Variants in RBFOX1 observed in about 807,000 individuals in gnomAD.
RBFOX1 encodes RNA binding fox-1 homolog 1.
In RBFOX1, 8 loss-of-function variants were observed where a neutral mutation model predicts 57.7. The ratio of observed to expected loss-of-function variants is 0.14; its 90% CI spans 0.08 to 0.25. RBFOX1 has a LOEUF of 0.25. Ranked by LOEUF, RBFOX1 falls within the 10% of genes least tolerant of loss-of-function variation. The pLI is 1.00. For synonymous variants in RBFOX1, 326 were observed against 222.4 expected (o/e 1.47, Z -4.15); for missense variants, 611 against 548.5 (o/e 1.11, Z -1.14).
At chr16:5,469,049 A>G (rs987336216) in intron 2 of RBFOX1, among the ~76,000 whole-genome samples, 1 of 152,116 alleles carries the variant, frequency 6.6e-6, no homozygotes, top group African/African-American at 2.4e-5. Flanking sequence ...CCTGGTGGGG[A>G]TGGCTGGATC....
chr16:5,616,588 CCCT>C (rs1342912018), intron 3 of RBFOX1, among the ~76,000 whole-genome samples: 34 of 150,108 alleles, frequency 2.3e-4, no homozygotes, highest in Non-Finnish European at 2.8e-4. Flanking sequence ...TTCTCCCTCT[CCCT>C]CCTCCTCCTC....
In RBFOX1 at chr16:5,752,265, C is replaced by A. The variant is rs568982527; in HGVS notation, c.319-115038C>A. On this transcript the variant is annotated intron_variant, in intron 3 of 19. Transcript: ENST00000641259. Reference sequence around the variant, plus strand: ...AGAGGGGAGAAATACACACTGGGACCTTTTAGAGGTCACGGATTGGAGGGT... The same window carrying A: ...AGAGGGGAGAAATACACACTGGGACATTTTAGAGGTCACGGATTGGAGGGT... Among the ~76,000 whole-genome samples, 7 of 152,186 alleles carry A rather than the reference C, an allele frequency of 4.6e-5. No homozygotes were observed. In the South Asian group the frequency reaches 1.5e-3, roughly 32 times the overall value.
rs568749500 is a variant in RBFOX1 at position 5,565,156 on chromosome 16, T to C, written c.259-33746T>C. Among the ~76,000 whole-genome samples, 441 of 152,306 alleles carry C rather than the reference T, an allele frequency of 2.9e-3. 2 individuals are homozygous for C. Among genetic ancestry groups the C allele is most frequent in the Admixed American group, 4.6e-3 (70 of 15,300 alleles). On this transcript the variant is annotated intron_variant, in intron 2 of 2. Coordinates refer to the RBFOX1 transcript ENST00000585867. ...GGGATACTAAGTGGCAGACATGGCTTGGATCATCCAAAGCACCAGGGTTCA... is the reference window on the plus strand; with the variant it reads ...GGGATACTAAGTGGCAGACATGGCTCGGATCATCCAAAGCACCAGGGTTCA...
intron 1 of RBFOX1, among the ~76,000 whole-genome samples, chr16:6,291,327 C>T (rs1971032): frequency 6.6e-6 from 1 of 152,282 alleles, no homozygotes; most frequent in Non-Finnish European, 1.5e-5. Context: ...GATTCAAACA[C>T]CTCTGACATT....
chr16:5,994,807 T>G (rs574705248), intron 4 of RBFOX1, among the ~76,000 whole-genome samples: 3 of 152,292 alleles, frequency 2.0e-5, no homozygotes, highest in African/African-American at 7.2e-5. Flanking sequence ...TCTTTTCTTC[T>G]CCACTATATT....
At chr16:6,787,608 C>T (rs1202036144) in intron 3 of RBFOX1, among the ~76,000 whole-genome samples, 2 of 152,072 alleles carry the variant, frequency 1.3e-5, no homozygotes, top group Non-Finnish European at 2.9e-5. Context: ...CTCTGTTCTC[C>T]ATCCACTGTG....
At chr16:6,644,083 C>G (rs1418064846) in intron 2 of RBFOX1, among the ~76,000 whole-genome samples, 1 of 152,052 alleles carries the variant, frequency 6.6e-6, no homozygotes, top group Non-Finnish European at 1.5e-5. Flanking sequence ...CCAAGATCAC[C>G]CTACTGCACT....
chr16:6,165,311 A>G (rs973036431), intron 1 of RBFOX1, among the ~76,000 whole-genome samples: 1 of 152,158 alleles, frequency 6.6e-6, no homozygotes, highest in African/African-American at 2.4e-5. Context: ...TTTGGTTGAA[A>G]ATATTAATCT....
At chr16:7,013,559 G>C (rs781590070) in intron 3 of RBFOX1, among the ~76,000 whole-genome samples, 48 of 152,194 alleles carry the variant, frequency 3.2e-4, no homozygotes, top group Non-Finnish European at 5.9e-4. Flanking sequence ...TAGCAGTGCT[G>C]ATGTTGAGAA....
intron 4 of RBFOX1, among the ~76,000 whole-genome samples, chr16:7,145,332 T>A (rs1432133807): frequency 6.6e-6 from 1 of 152,122 alleles, no homozygotes; most frequent in Non-Finnish European, 1.5e-5. Context: ...AGCCTCCCGA[T>A]TAGCTGGGAT....
At chr16:5,680,958 A>G (rs2050313642) in intron 3 of RBFOX1, among the ~76,000 whole-genome samples, 1 of 152,092 alleles carries the variant, frequency 6.6e-6, no homozygotes, top group Non-Finnish European at 1.5e-5. Flanking sequence ...ATTAGCAACT[A>G]TAAAAAGACC....
chr16:6,727,647 T>C (rs1378383692), intron 3 of RBFOX1, among the ~76,000 whole-genome samples: 1 of 152,128 alleles, frequency 6.6e-6, no homozygotes, highest in Non-Finnish European at 1.5e-5. Context: ...TTCTACCCCC[T>C]CCTTCCTTAA....
intron 3 of RBFOX1, among the ~76,000 whole-genome samples, chr16:6,872,102 T>C (rs2061016335): frequency 6.6e-6 from 1 of 152,154 alleles, no homozygotes; most frequent in Non-Finnish European, 1.5e-5. Flanking sequence ...ATAATTGTAA[T>C]GGTACCTGTT....
At chr16:5,794,705 C>T (rs1475799718) in intron 3 of RBFOX1, among the ~76,000 whole-genome samples, 2 of 152,140 alleles carry the variant, frequency 1.3e-5, no homozygotes, top group African/African-American at 4.8e-5. Context: ...TTAATGATGG[C>T]TTAAGAAACT....
At chr16:7,308,085 T>C (rs2096233398) in intron 4 of RBFOX1, among the ~76,000 whole-genome samples, 1 of 152,156 alleles carries the variant, frequency 6.6e-6, no homozygotes, top group South Asian at 2.1e-4. Context: ...CCTATTTTGT[T>C]TTCCTGATAG....
intron 1 of RBFOX1, among the ~76,000 whole-genome samples, chr16:5,381,754 C>A (rs967638435): frequency 1.3e-5 from 2 of 152,248 alleles, no homozygotes; most frequent in African/African-American, 4.8e-5. Context: ...AATCTCTCAA[C>A]AACTCTGGAA....
intron 2 of RBFOX1, among the ~76,000 whole-genome samples, chr16:6,412,563 T>C (rs2093493354): frequency 6.6e-6 from 1 of 152,222 alleles, no homozygotes; most frequent in African/African-American, 2.4e-5. Context: ...TGAAACCTTT[T>C]TGTTTTCACC....
chr16:6,711,220 C>T (rs1450420634), intron 3 of RBFOX1, among the ~76,000 whole-genome samples: 2 of 152,198 alleles, frequency 1.3e-5, no homozygotes, highest in African/African-American at 4.8e-5. Context: ...CTTTTCTTGC[C>T]TGGATTATCG....
At chr16:5,980,355 A>G (rs547564209) in intron 4 of RBFOX1, among the ~76,000 whole-genome samples, 14 of 152,282 alleles carry the variant, frequency 9.2e-5, no homozygotes, top group Admixed American at 7.2e-4. Context: ...CCTCCCAGGC[A>G]GGTGGGACTG....
Sources: gnomAD v4.1 joint callset for allele counts (sites outside exome capture counted in the v4.1 genomes callset) on GRCh38, gnomAD v4.1.1 for gene constraint, MANE v1.5 for transcripts, NCBI Gene and HGNC (gene_info 2026-07-23, HGNC 2026-07-21) for gene names.